Variants in HIGD2B observed in about 807,000 individuals in gnomAD.
HIGD2B encodes HIG1 domain family member 2B.
For missense variants in HIGD2B, 106 were observed against 67.0 expected, an observed-to-expected ratio of 1.58 and a Z score of -2.03; for synonymous variants, 45 against 28.1, an observed-to-expected ratio of 1.60 and a Z score of -1.90.
chr15:72,678,699 G>A (rs2064717198), intron 2 of HIGD2B, among the ~76,000 whole-genome samples: 1 of 152,078 alleles, frequency 6.6e-6, no homozygotes, highest in Non-Finnish European at 1.5e-5. Context: ...AGAGCAACAT[G>A]GTGAGAGAAA....
At position 72,685,942 on chromosome 15, in the gene HIGD2B, C is replaced by A; in HGVS notation, c.-317G>T. On this transcript the variant is annotated 5_prime_UTR_variant, in exon 1 of 3. Transcript: ENST00000311755. ...GCTGCCATCCCAGGTGGCTGGCCTA[C>A]CAGCCAGCGCGGCCGGAGGTACAGA... 1.8e-6 allele frequency: 1 copy of A among 545,182 alleles called. No individual in the cohort carries two copies. Among genetic ancestry groups the A allele is most frequent in the South Asian group, 2.1e-5 (1 of 47,892 alleles). 33.8% of individuals were successfully genotyped at this position (545,182 alleles called of 1,614,324 possible).
At chr15:72,680,831 T>C (rs1212483580) in intron 1 of HIGD2B, among the ~76,000 whole-genome samples, 1 of 152,000 alleles carries the variant, frequency 6.6e-6, no homozygotes, top group African/African-American at 2.4e-5. Flanking sequence ...GTGGTGGAGG[T>C]TGCAGTGAGA....
chr15:72,680,122 GT>G lies in HIGD2B; in HGVS notation c.-122del, dbSNP rs1381919763. ...AAATAGTCCATCAACCAAAGTTTAG[GT>G]TTTCTGATCTTCTTCCCATTCTTAC... is the stretch of plus-strand genomic sequence containing the variant. On this transcript the variant is annotated 5_prime_UTR_variant, in exon 2 of 3. An upstream open reading frame in the 5' UTR gains an earlier in-frame stop. Transcript: ENST00000311755. 1 of 264,662 alleles carries G rather than the reference GT, an allele frequency of 3.8e-6. No homozygotes were observed. The highest frequency in any genetic ancestry group is 7.0e-6 in the Non-Finnish European group (1 of 143,650). 16.4% of individuals were successfully genotyped at this position (264,662 alleles called of 1,614,324 possible). A position where few individuals can be genotyped will look rare whatever the true frequency, so the allele number is the denominator to read the frequency against.
intron 2 of HIGD2B, among the ~76,000 whole-genome samples, chr15:72,677,660 G>C (rs890992684): frequency 2.0e-5 from 3 of 151,878 alleles, no homozygotes; most frequent in African/African-American, 7.3e-5. Context: ...TACTCAAGAG[G>C]CTGAGGCAAG....
At chr15:72,677,204 C>G (rs761553759) in intron 2 of HIGD2B, among the ~76,000 whole-genome samples, 6 of 151,950 alleles carry the variant, frequency 3.9e-5, no homozygotes, top group Non-Finnish European at 5.9e-5. Context: ...CCGAGGCAAG[C>G]AGATCACTTG....
At chr15:72,684,196 G>A (rs1006638628) in intron 1 of HIGD2B, among the ~76,000 whole-genome samples, 3 of 152,148 alleles carry the variant, frequency 2.0e-5, no homozygotes, top group South Asian at 2.1e-4. Context: ...GTGTGGGAGC[G>A]GGCCTGAGCT....
At chr15:72,685,147 C>A (rs922394198) in intron 1 of HIGD2B, among the ~76,000 whole-genome samples, 2 of 152,108 alleles carry the variant, frequency 1.3e-5, no homozygotes, top group Admixed American at 1.3e-4. Context: ...TGTCCTTTCC[C>A]CTTGTATTTG....
Position 72,676,402 on chromosome 15 carries a change from C to A in HIGD2B, c.-13-15G>T, listed in dbSNP as rs747506286. 18 of 685,584 alleles carry A rather than the reference C, an allele frequency of 2.6e-5. No homozygotes were observed. In the South Asian group the frequency reaches 2.7e-4, roughly 10 times the overall value. The allele number at this position is 685,584 out of a possible 1,614,324, so 42.5% of individuals were successfully genotyped here. A position where few individuals can be genotyped will look rare whatever the true frequency, so the allele number is the denominator to read the frequency against. ...CTAGGCCACAGCTGCAGGAGAAAAT[C>A]CTTTGTTTTTTTTTTTTTTTGAGAA... is the stretch of plus-strand genomic sequence containing the variant. On this transcript the variant is annotated splice_polypyrimidine_tract_variant and intron_variant, in intron 2 of 2. Transcript: ENST00000311755.
At position 72,675,999 on chromosome 15, in the gene HIGD2B, A is replaced by G; in HGVS notation, c.*55T>C. ...AGAGAGTAAGTCCCATGGTAGGGCCAGTGGTTGCTCCTGGGTTTTGGAATG... is the reference window on the plus strand; with the variant it reads ...AGAGAGTAAGTCCCATGGTAGGGCCGGTGGTTGCTCCTGGGTTTTGGAATG... On this transcript the variant is annotated 3_prime_UTR_variant, in exon 3 of 3. Transcript: ENST00000311755. The G allele has an allele frequency of 1.5e-6, 1 of 674,984 alleles. No individual in the cohort carries two copies. The highest frequency in any genetic ancestry group is 1.6e-5 in the South Asian group (1 of 62,246). The allele number at this position is 674,984 out of a possible 1,614,324, so 41.8% of individuals were successfully genotyped here.
At position 72,685,828 on chromosome 15, in the gene HIGD2B, A is replaced by C. The variant is rs901912657; in HGVS notation, c.-203T>G. 3.0e-6 allele frequency: 1 copy of C among 333,864 alleles called. No homozygotes were observed. The highest frequency in any genetic ancestry group is 2.1e-5 in the African/African-American group (1 of 47,328). 20.7% of individuals were successfully genotyped at this position (333,864 alleles called of 1,614,324 possible). ...CGGGGAGTTTTGTACCTAAGGCGAG[A>C]AAGAAATTCTCCGCCGAAATCTCCC... On this transcript the variant is annotated 5_prime_UTR_variant, in exon 1 of 3. Transcript: ENST00000311755.
intron 2 of HIGD2B, among the ~76,000 whole-genome samples, chr15:72,677,896 G>T (rs115312986): frequency 0.01 from 1,534 of 152,254 alleles, 32 homozygotes; most frequent in African/African-American, 0.035. Flanking sequence ...GTTGATATAT[G>T]GTCTGTGTCC....
chr15:72,680,486 T>G (rs1055867058), intron 1 of HIGD2B, among the ~76,000 whole-genome samples: 1 of 152,220 alleles, frequency 6.6e-6, no homozygotes, highest in African/African-American at 2.4e-5. Context: ...CATTTATTGT[T>G]TCATGTACTA....
intron 2 of HIGD2B, 36 bp from the exon 3 acceptor site, chr15:72,676,423 GAGA>G (rs1473068045): frequency 3.4e-6 from 2 of 595,402 alleles, no homozygotes; most frequent in East Asian, 2.9e-5. Flanking sequence ...TTTTTTTTTT[GAGA>G]AGGAGTCTTG....
intron 2 of HIGD2B, among the ~76,000 whole-genome samples, 155 bp from the exon 3 acceptor site, chr15:72,676,542 C>A (rs1398423329): frequency 6.6e-6 from 1 of 151,970 alleles, no homozygotes; most frequent in East Asian, 1.9e-4. Flanking sequence ...TTCCAAGTAG[C>A]TGGGATTACA....
Position 72,676,140 on chromosome 15 carries a change from T to C in HIGD2B, c.235A>G (p.Met79Val), listed in dbSNP as rs564126827. ...QGNSQCSRLM[M>V]HTQIAAQGFT... is the part of the protein sequence containing the mutation. ...CCCTGGGCGGCGATCTGGGTGTGCA[T>C]CATAAGCCGTGAACATTGGCTGTTG... is the stretch of plus-strand genomic sequence containing the variant. Residue 79 changes from methionine to valine, a missense_variant, in exon 3 of 3, where the codon ATG becomes GTG. Physicochemically the swap from Met to Val is conservative, Grantham distance 21. Coordinates refer to ENST00000311755, the MANE Select transcript of HIGD2B (RefSeq NM_001350932.3). 3 of 764,906 alleles carry C rather than the reference T, an allele frequency of 3.9e-6. No homozygotes were observed. The highest frequency in any genetic ancestry group is 3.4e-5 in the African/African-American group (2 of 59,154). The allele number at this position is 764,906 out of a possible 1,614,324, so 47.4% of individuals were successfully genotyped here. A position where few individuals can be genotyped will look rare whatever the true frequency, so the allele number is the denominator to read the frequency against.
chr15:72,680,046 C>A lies in HIGD2B; in HGVS notation c.-45G>T. The A allele has an allele frequency of 4.2e-6, 2 of 479,838 alleles. No homozygotes were observed. The highest frequency in any genetic ancestry group is 5.8e-5 in the South Asian group (1 of 17,370). The allele number at this position is 479,838 out of a possible 1,614,324, so 29.7% of individuals were successfully genotyped here. A position where few individuals can be genotyped will look rare whatever the true frequency, so the allele number is the denominator to read the frequency against. On this transcript the variant is annotated 5_prime_UTR_variant, in exon 2 of 3. Transcript: ENST00000311755. ...CAGTGGAAAGTGCCAACAGAGTTCT[C>A]CCGACGAATGTCTTCATATTCCTCA...
At chr15:72,685,322 T>TG (rs751084769) in intron 1 of HIGD2B, among the ~76,000 whole-genome samples, 7 of 152,084 alleles carry the variant, frequency 4.6e-5, no homozygotes, top group Non-Finnish European at 8.8e-5. Flanking sequence ...AAGTATGAAT[T>TG]GGGGCTAATG....
At chr15:72,680,275 C>T (rs2064735426) in intron 1 of HIGD2B, 82 bp from the exon 2 acceptor site, 1 of 152,916 alleles carries the variant, frequency 6.5e-6, no homozygotes, top group Admixed American at 6.5e-5. Flanking sequence ...TTCTTGTCTA[C>T]AGTAAGTTTT....
In HIGD2B at chr15:72,680,149, C is replaced by A. The variant is rs1490379162; in HGVS notation, c.-148G>T. 1.5e-5 allele frequency: 3 copies of A among 204,246 alleles called. No homozygotes were observed. Among genetic ancestry groups the A allele is most frequent in the African/African-American group, 2.3e-5 (1 of 42,658 alleles). 12.7% of individuals were successfully genotyped at this position (204,246 alleles called of 1,614,324 possible). A position where few individuals can be genotyped will look rare whatever the true frequency, so the allele number is the denominator to read the frequency against. On this transcript the variant is annotated 5_prime_UTR_variant, in exon 2 of 3. Coordinates refer to ENST00000311755, the MANE Select transcript of HIGD2B (RefSeq NM_001350932.3). ...TTTCTGATCTTCTTCCCATTCTTAC[C>A]CAGCTGGTGGAGTCTACAGCCTATT...
Sources: allele counts gnomAD v4.1 joint callset (sites outside exome capture counted in the v4.1 genomes callset), GRCh38; gene constraint gnomAD v4.1.1; transcripts MANE v1.5; gene names NCBI Gene and HGNC (gene_info 2026-07-23, HGNC 2026-07-21).